The following NAA38 variants were observed in gnomAD, a reference collection of about 807,000 sequenced individuals.
The protein encoded by NAA38 is LSM domain containing 1.
In NAA38, 15 loss-of-function variants were observed where a neutral mutation model predicts 12.6. That is an observed-to-expected ratio of 1.19 (90% CI 0.79 to 1.83). The LOEUF (loss-of-function observed/expected upper bound fraction) is 1.83, where lower values mean the gene tolerates loss of function less well. Ranked by LOEUF, NAA38 falls within the 40% of genes most tolerant of loss-of-function variation. NAA38 has a pLI of 0.00. For missense variants in NAA38, 183 were observed against 171.7 expected, an observed-to-expected ratio of 1.07 and a Z score of -0.37; for synonymous variants, 88 against 69.9, an observed-to-expected ratio of 1.26 and a Z score of -1.29.
At chr17:7,865,874 T>G (rs2041051279) in intron 3 of NAA38, 1 of 152,136 alleles carries the variant, frequency 6.6e-6, no homozygotes, top group Non-Finnish European at 1.5e-5. Flanking sequence ...CTTGAAAGCC[T>G]AGGTTGGAAT....
chr17:7,866,267 T>TTC (rs1196065992), intron 3 of NAA38, among the ~76,000 whole-genome samples: 1 of 135,464 alleles, frequency 7.4e-6, no homozygotes, highest in Non-Finnish European at 1.5e-5. Flanking sequence ...TTTTTTTTTT[T>TTC]TTTTTTTTTT....
upstream of NAA38, chr17:7,885,273 C>T (rs1044814819): frequency 3.9e-6 from 1 of 258,628 alleles, no homozygotes; most frequent in African/African-American, 2.6e-5. Flanking sequence ...GACCGCGGGG[C>T]CAGGCCTCCT....
chr17:7,882,138 G>A (rs1172940845), intron 2 of NAA38, among the ~76,000 whole-genome samples: 2 of 152,154 alleles, frequency 1.3e-5, no homozygotes, highest in Admixed American at 1.3e-4. Flanking sequence ...GAGAGAGAAT[G>A]ATGAGTGTTT....
intron 2 of NAA38, among the ~76,000 whole-genome samples, chr17:7,866,956 A>G (rs1966993998): frequency 6.6e-6 from 1 of 152,180 alleles, no homozygotes; most frequent in African/African-American, 2.4e-5. Context: ...TGAAACACAC[A>G]TCAGGAGAAC....
At chr17:7,885,254 G>A, upstream of NAA38, 2 of 478,778 alleles carry the variant, frequency 4.2e-6, no homozygotes, top group Non-Finnish European at 5.4e-6. Flanking sequence ...GGCGGGCGGT[G>A]GCGGCTGCGA....
upstream of NAA38, chr17:7,862,423 C>G (rs1452127051): frequency 6.6e-6 from 1 of 152,154 alleles, no homozygotes; most frequent in Non-Finnish European, 1.5e-5. Context: ...TCCCCAATAT[C>G]CAAAACCAAA....
At chr17:7,883,312 G>C (rs907129399) in exon 2 of NAA38, 1 of 152,174 alleles carries the variant, frequency 6.6e-6, no homozygotes, top group African/African-American at 2.4e-5. Flanking sequence ...TAGTGTTGGA[G>C]ATCATGGAGG....
chr17:7,875,493 C>G (rs1300826916), intron 2 of NAA38, among the ~76,000 whole-genome samples: 1 of 152,054 alleles, frequency 6.6e-6, no homozygotes, highest in African/African-American at 2.4e-5. Flanking sequence ...AGCCACCATG[C>G]CTGGCTAATT....
In NAA38 at chr17:7,877,617, T is replaced by G. The variant is rs147211004; in HGVS notation, c.-66+5618A>C. ...AGTTTTTTGCTGTTACAAACAGTGT[T>G]GTAATGAATAGCTCTGTAATGTCAC... On this transcript the variant is annotated intron_variant, in intron 2 of 4. Coordinates refer to the NAA38 transcript ENST00000576861. Among the ~76,000 whole-genome samples, 1,153 of 152,316 alleles carry G rather than the reference T, an allele frequency of 7.6e-3. 9 individuals carry two copies. The highest frequency in any genetic ancestry group is 0.013 in the Non-Finnish European group (872 of 68,010).
intron 1 of NAA38, among the ~76,000 whole-genome samples, chr17:7,884,459 T>TATATATATATATATATGTATATAC (rs1448949406): frequency 2.5e-5 from 1 of 39,854 alleles, no homozygotes; most frequent in African/African-American, 5.2e-5. Context: ...TATATATACA[T>TATATATATATATATATGTATATAC]ATATATATAT....
At chr17:7,884,986 G>GGGCCGCGACCGC (rs1967526800) in intron 1 of NAA38, 1 of 1,262,574 alleles carries the variant, frequency 7.9e-7, no homozygotes, top group Admixed American at 4.0e-5. Flanking sequence ...GCCACGACCG[G>GGGCCGCGACCGC]GGCCGCGACC....
upstream of NAA38, chr17:7,859,462 A>G (rs1217772544): frequency 1.9e-6 from 3 of 1,614,166 alleles, no homozygotes; most frequent in Non-Finnish European, 2.5e-6. Context: ...ACACGTGGAA[A>G]TATGAAGGGA....
upstream of NAA38, chr17:7,859,225 G>C: frequency 3.2e-6 from 2 of 631,524 alleles, no homozygotes; most frequent in Non-Finnish European, 5.5e-6. Flanking sequence ...TAGGACTTTA[G>C]GGTCTGCTCA....
chr17:7,873,031 G>A (rs1171917680), intron 2 of NAA38, among the ~76,000 whole-genome samples: 1 of 152,164 alleles, frequency 6.6e-6, no homozygotes, highest in East Asian at 1.9e-4. Context: ...GTGCATGCCT[G>A]CTTACTGTGT....
chr17:7,871,545 C>T (rs965632508), intron 2 of NAA38, among the ~76,000 whole-genome samples: 2 of 152,138 alleles, frequency 1.3e-5, no homozygotes, highest in Non-Finnish European at 2.9e-5. Context: ...CTTTATACCC[C>T]CTTACTCCTG....
chr17:7,875,358 CAG>C (rs1038056379), intron 2 of NAA38, among the ~76,000 whole-genome samples: 8 of 151,674 alleles, frequency 5.3e-5, no homozygotes, highest in African/African-American at 1.5e-4. Context: ...TTTTTAGAGA[CAG>C]AGTCTCACTG....
chr17:7,863,167 T>C (rs1437818343), intron 3 of NAA38: 2 of 152,174 alleles, frequency 1.3e-5, no homozygotes, highest in Non-Finnish European at 2.9e-5. Flanking sequence ...TGCATTCACT[T>C]ATTAATACTT....
At chr17:7,866,719 C>T (rs930434004) in intron 2 of NAA38, among the ~76,000 whole-genome samples, 12 of 152,046 alleles carry the variant, frequency 7.9e-5, no homozygotes, top group African/African-American at 2.9e-4. Context: ...CTTAACACGC[C>T]CTCCCCAGGG....
At chr17:7,869,293 G>A (rs1967043537) in intron 2 of NAA38, among the ~76,000 whole-genome samples, 1 of 152,178 alleles carries the variant, frequency 6.6e-6, no homozygotes, top group Non-Finnish European at 1.5e-5. Flanking sequence ...TTAAGTGGCA[G>A]AGCTTGGATT....
Sources: gnomAD v4.1 joint callset for allele counts (sites outside exome capture counted in the v4.1 genomes callset) on GRCh38, gnomAD v4.1.1 for gene constraint, MANE v1.5 for transcripts, NCBI Gene and HGNC (gene_info 2026-07-23, HGNC 2026-07-21) for gene names.